RREB1: variants seen among roughly 807,000 people sequenced by gnomAD.
The protein encoded by RREB1 is ras responsive element binding protein 1.
RREB1 carries 27 observed loss-of-function variants against 117.8 expected under a neutral mutation model. The ratio of observed to expected loss-of-function variants is 0.23; its 90% confidence interval spans 0.17 to 0.32. The LOEUF (loss-of-function observed/expected upper bound fraction) is 0.32. Among genes scored for constraint, RREB1 ranks in the 10% least tolerant of loss-of-function variants. The pLI, the probability that RREB1 is intolerant of heterozygous loss-of-function variation, is 1.00. For missense variants in RREB1, 2,577 were observed against 2,378.2 expected, an observed-to-expected ratio of 1.08 and a Z score of -1.74; for synonymous variants, 1,298 against 1,026.7, an observed-to-expected ratio of 1.26 and a Z score of -5.05.
chr6:7,170,563 G>A (rs9505056), intron 1 of RREB1, among the ~76,000 whole-genome samples: 7,639 of 152,268 alleles, frequency 0.05, 670 homozygotes, highest in African/African-American at 0.17. Context: ...AGGATCCAGG[G>A]CTGCGTGAAG....
chr6:7,112,898 C>G (rs2113281387), intron 1 of RREB1, among the ~76,000 whole-genome samples: 1 of 152,254 alleles, frequency 6.6e-6, no homozygotes, highest in Non-Finnish European at 1.5e-5. Flanking sequence ...TTGCACTCTG[C>G]CGTTGGCAGT....
chr6:7,192,539 C>G (rs979596364), intron 6 of RREB1, among the ~76,000 whole-genome samples: 38 of 152,130 alleles, frequency 2.5e-4, no homozygotes, highest in African/African-American at 8.2e-4. Flanking sequence ...TTGTGTCTTT[C>G]TAGGAATTTT....
At chr6:7,187,709 TCTTC>T in intron 5 of RREB1, 186 bp downstream of exon 5, 1 of 303,348 alleles carries the variant, frequency 3.3e-6, no homozygotes, top group Non-Finnish European at 5.8e-6. Context: ...TCTAAATTAT[TCTTC>T]CTTAAGCACA....
At chr6:7,228,763 C>T (rs1428552554) in intron 9 of RREB1, among the ~76,000 whole-genome samples, 1 of 152,008 alleles carries the variant, frequency 6.6e-6, no homozygotes, top group African/African-American at 2.4e-5. Flanking sequence ...CCGCCTCAGT[C>T]TCTGGAGTAG....
chr6:7,150,844 G>T (rs1763089082), intron 1 of RREB1, among the ~76,000 whole-genome samples: 1 of 152,224 alleles, frequency 6.6e-6, no homozygotes, highest in Non-Finnish European at 1.5e-5. Context: ...GACTGCATTT[G>T]AGATGGTGTG....
Position 7,230,881 on chromosome 6 carries a change from T to C in RREB1, c.2782T>C (p.Tyr928His). ...SFLSPSSLVPYDCSMEPIDLS... is the reference protein window; with the variant it reads ...SFLSPSSLVPHDCSMEPIDLS... ...TCTGAGCCCTTCTTCCCTGGTCCCC[T>C]ATGACTGCTCCATGGAGCCCATCGA... Residue 928 changes from tyrosine to histidine, a missense_variant, in exon 10 of 13, where the codon TAT becomes CAT. Tyr to His is a moderately conservative substitution (Grantham distance 83). Transcript: ENST00000379938. The C allele has an allele frequency of 6.2e-7, 1 of 1,614,186 alleles. No individual in the cohort carries two copies.
intron 4 of RREB1, among the ~76,000 whole-genome samples, chr6:7,186,312 A>G (rs1014809795): frequency 6.6e-6 from 1 of 152,192 alleles, no homozygotes; most frequent in African/African-American, 2.4e-5. Flanking sequence ...TAACTTAGCC[A>G]TCCTCAAACC....
chr6:7,219,055 C>T (rs1333716036), intron 8 of RREB1: 1 of 134,910 alleles, frequency 7.4e-6, no homozygotes, highest in Non-Finnish European at 1.5e-5. Context: ...GGAGACCCGT[C>T]TGGCCAACAC....
intron 1 of RREB1, among the ~76,000 whole-genome samples, chr6:7,136,539 A>G (rs551143): frequency 0.67 from 101,558 of 152,076 alleles, 35,636 homozygotes; most frequent in Middle Eastern, 0.81. Flanking sequence ...GCTTCCCAAA[A>G]TGTTGGGATT....
chr6:7,230,597 C>G lies in RREB1; in HGVS notation c.2498C>G (p.Pro833Arg). ...GTGCTGGCCGCCGACGGCCTGGGCC[C>G]CGCAGAGGCGCCGGCCGCTGAGGCG... Reference protein sequence around the residue: ...SYVLAADGLGPAEAPAAEASG... With the variant: ...SYVLAADGLGRAEAPAAEASG... Residue 833 changes from proline to arginine, a missense_variant, in exon 10 of 13, where the codon CCC becomes CGC. Pro to Arg is a moderately radical substitution (Grantham distance 103). Transcript: ENST00000379938. The G allele has an allele frequency of 2.5e-6, 4 of 1,603,832 alleles. No homozygotes were observed. The highest frequency in any genetic ancestry group is 3.4e-6 in the Non-Finnish European group (4 of 1,175,614).
chr6:7,108,779 C>A (rs1760974816), intron 1 of RREB1: 1 of 151,520 alleles, frequency 6.6e-6, no homozygotes, highest in Non-Finnish European at 1.5e-5. Context: ...ATCCGCCGCG[C>A]CCTGCTCTGC....
chr6:7,220,272 TG>T lies in RREB1; in HGVS notation c.708-6193del, dbSNP rs1187944546. On this transcript the variant is annotated intron_variant, in intron 8 of 12. Transcript: ENST00000379938. ...TGAAACAGGCTCTTGTGCACTGTCT[TG>T]GTACAGAAACACTTATTTCTGTGAG... Among the ~76,000 whole-genome samples, 6 of 152,350 alleles carry T rather than the reference TG, an allele frequency of 3.9e-5. No homozygotes were observed. The South Asian group carries it at 1.2e-3, about 32-fold the overall frequency.
intron 1 of RREB1, among the ~76,000 whole-genome samples, chr6:7,121,839 C>T (rs73372669): frequency 0.014 from 2,087 of 152,156 alleles, 46 homozygotes; most frequent in African/African-American, 0.048. Flanking sequence ...TTGGTACACA[C>T]TAGAAGCTGG....
chr6:7,156,499 C>G (rs924851453), intron 1 of RREB1, among the ~76,000 whole-genome samples: 1 of 152,210 alleles, frequency 6.6e-6, no homozygotes, highest in Non-Finnish European at 1.5e-5. Flanking sequence ...TCCCTTGTGG[C>G]TCTCCCAGCC....
At chr6:7,124,615 G>T (rs1476910704) in intron 1 of RREB1, among the ~76,000 whole-genome samples, 4 of 152,168 alleles carry the variant, frequency 2.6e-5, no homozygotes. Flanking sequence ...GGACTCCATT[G>T]TTATAATTTA....
chr6:7,211,368 A>ATGGG (rs1766590982), intron 7 of RREB1, among the ~76,000 whole-genome samples: 1 of 151,890 alleles, frequency 6.6e-6, no homozygotes, highest in Admixed American at 6.6e-5. Context: ...GGATGGATGG[A>ATGGG]TGGATGGATG....
intron 6 of RREB1, among the ~76,000 whole-genome samples, chr6:7,200,008 A>G (rs1765862874): frequency 6.6e-6 from 1 of 152,210 alleles, no homozygotes. Flanking sequence ...TTCAAATTAG[A>G]TAAAAAGTGT....
rs1375707018 is a variant in RREB1, at chr6:7,231,672, C to A, written c.3573C>A (p.Asn1191Lys). ...AGATGCTGGCCACCACAGACACCAA[C>A]AAGTTCAGTCCGTTTCTGCAGACAG... ...IEKMLATTDT[N>K]KFSPFLQTAE... Residue 1191 changes from asparagine to lysine, a missense_variant, in exon 10 of 13, where the codon AAC becomes AAA. Transcript: ENST00000379938. The A allele has an allele frequency of 6.2e-7, 1 of 1,611,732 alleles. No individual in the cohort carries two copies. The highest frequency in any genetic ancestry group is 1.3e-5 in the African/African-American group (1 of 74,990).
chr6:7,231,742 C>T lies in RREB1; in HGVS notation c.3643C>T (p.His1215Tyr). The T allele has an allele frequency of 2.5e-6, 4 of 1,613,874 alleles. No homozygotes were observed. The South Asian group carries it at 3.3e-5, about 13-fold the overall frequency. The change falls in exon 10 of 13, where the codon CAC becomes TAC. Residue 1215 changes from histidine to tyrosine, a missense_variant. Physicochemically the swap from His to Tyr is moderately conservative, Grantham distance 83 (BLOSUM62 2). Coordinates refer to ENST00000379938, the MANE Select transcript of RREB1 (RefSeq NM_001003699.4). ...TGAGGTGGCCGGAGCCCCTGCCGAC[C>T]ACCATGGGCCCAGTGATGAAGAGCA... Reference protein sequence around the residue: ...QDEVAGAPADHHGPSDEEQGS... With the variant: ...QDEVAGAPADYHGPSDEEQGS...
Sources: gnomAD v4.1 joint callset for allele counts (sites outside exome capture counted in the v4.1 genomes callset) on GRCh38, gnomAD v4.1.1 for gene constraint, MANE v1.5 for transcripts, NCBI Gene and HGNC (gene_info 2026-07-23, HGNC 2026-07-21) for gene names.